PYHIN1: variants seen among roughly 807,000 people sequenced by gnomAD.
The protein encoded by PYHIN1 is pyrin and HIN domain family member 1, also known as pyrin and HIN domain-containing protein 1.
Under a neutral mutation model 43.7 loss-of-function variants are expected in PYHIN1, and 32 were observed. That is an observed-to-expected ratio of 0.73 (90% CI 0.55 to 0.98). The LOEUF (loss-of-function observed/expected upper bound fraction) is 0.98. PYHIN1 is among the 50% of genes least tolerant of loss of function. PYHIN1 has a pLI of 0.00. For synonymous variants in PYHIN1, 205 were observed against 203.1 expected, an observed-to-expected ratio of 1.01 and a Z score of -0.08; for missense variants, 588 against 589.5, an observed-to-expected ratio of 1.00 and a Z score of 0.03.
intron 7 of PYHIN1, among the ~76,000 whole-genome samples, chr1:158,972,349 C>T (rs1280102367): frequency 1.3e-5 from 2 of 151,998 alleles, no homozygotes; most frequent in Non-Finnish European, 2.9e-5. Context: ...CAGAGCTTTT[C>T]AATCAATCTC....
intron 7 of PYHIN1, among the ~76,000 whole-genome samples, chr1:158,966,795 C>T (rs1333829144): frequency 1.3e-5 from 2 of 152,090 alleles, no homozygotes; most frequent in African/African-American, 4.8e-5. Context: ...CCCTTGAAAA[C>T]TGGAACAAGA....
intron 7 of PYHIN1, among the ~76,000 whole-genome samples, chr1:158,963,944 C>T (rs1650473403): frequency 6.6e-6 from 1 of 152,056 alleles, no homozygotes; most frequent in Admixed American, 6.6e-5. Flanking sequence ...AGATAATTGA[C>T]ATTCAAGAGA....
In PYHIN1 at chr1:158,942,122, C is replaced by T. The variant is rs1350243835; in HGVS notation, c.725C>T (p.Thr242Ile). 1.9e-6 allele frequency: 3 copies of T among 1,613,974 alleles called. No individual in the cohort carries two copies. In the African/African-American group the frequency reaches 4.0e-5, roughly 22 times the overall value. The change falls in exon 5 of 9, where the codon ACA becomes ATA. Residue 242 changes from threonine (T) to isoleucine (I), a missense_variant. Thr to Ile is a moderately conservative substitution (Grantham distance 89). Coordinates refer to ENST00000368140, the MANE Select transcript of PYHIN1 (RefSeq NM_152501.5). ...ENEQRRMFHA[T>I]VATQTQFFHV... ...GAGCAAAGAAGAATGTTTCATGCTA[C>T]AGTGGCTACGCAGACACAGTTCTTT...
At chr1:158,969,908 C>A (rs148768931) in intron 7 of PYHIN1, among the ~76,000 whole-genome samples, 15 of 152,060 alleles carry the variant, frequency 9.9e-5, no homozygotes, top group African/African-American at 3.1e-4. Flanking sequence ...GCCACCTACA[C>A]CTAAATGTAT....
intron 4 of PYHIN1, among the ~76,000 whole-genome samples, chr1:158,940,859 A>G (rs1451474345): frequency 1.3e-5 from 2 of 152,200 alleles, no homozygotes; most frequent in Non-Finnish European, 2.9e-5. Context: ...ACTCCTATGT[A>G]TACACATATT....
At chr1:158,972,042 A>G (rs561158830) in intron 7 of PYHIN1, among the ~76,000 whole-genome samples, 1 of 152,284 alleles carries the variant, frequency 6.6e-6, no homozygotes, top group African/African-American at 2.4e-5. Context: ...AGGCAGATAC[A>G]TAATCAGGCT....
chr1:158,977,632 T>G (rs892849050), downstream of PYHIN1, among the ~76,000 whole-genome samples: 4 of 152,296 alleles, frequency 2.6e-5, no homozygotes, highest in Admixed American at 2.0e-4. Context: ...ATCTAAAACT[T>G]ACAATGTATT....
downstream of PYHIN1, among the ~76,000 whole-genome samples, chr1:158,977,752 A>G (rs1328985946): frequency 6.6e-6 from 1 of 152,174 alleles, no homozygotes; most frequent in African/African-American, 2.4e-5. Flanking sequence ...ATATAAAGAA[A>G]AAAGGGCACA....
At chr1:158,975,949 A>G (rs539055554) in intron 8 of PYHIN1, among the ~76,000 whole-genome samples, 1 of 152,224 alleles carries the variant, frequency 6.6e-6, no homozygotes, top group East Asian at 1.9e-4. Context: ...TTATAATCCA[A>G]TTGTTTCACA....
At chr1:158,973,405 A>G (rs1377976216) in intron 7 of PYHIN1, among the ~76,000 whole-genome samples, 1 of 151,758 alleles carries the variant, frequency 6.6e-6, no homozygotes, top group Non-Finnish European at 1.5e-5. Context: ...CTTATACTAT[A>G]TGCTAGTTTC....
rs116554597 is a variant in PYHIN1 at position 158,936,004 on chromosome 1, T to A, written c.-20-887T>A. Among the ~76,000 whole-genome samples, 1,131 of 152,274 alleles carry A rather than the reference T, an allele frequency of 7.4e-3. 12 individuals are homozygous for A. Among genetic ancestry groups the A allele is most frequent in the African/African-American group, 0.026 (1,064 of 41,542 alleles). On this transcript the variant is annotated intron_variant, in intron 1 of 8. Coordinates refer to ENST00000368140, the MANE Select transcript of PYHIN1 (RefSeq NM_152501.5). Reference sequence around the variant, plus strand: ...TTCTTCACTCAATTTCTACAGTAACTCATTTGGTCATTAAGTCCTTCTTTA... The same window carrying A: ...TTCTTCACTCAATTTCTACAGTAACACATTTGGTCATTAAGTCCTTCTTTA...
chr1:158,975,695 C>G (rs564420712), intron 8 of PYHIN1, among the ~76,000 whole-genome samples: 5 of 152,112 alleles, frequency 3.3e-5, no homozygotes, highest in Non-Finnish European at 5.9e-5. Flanking sequence ...CTGCTCTAGA[C>G]AAGTTAAGTT....
At chr1:158,979,697 T>C (rs541528967), downstream of PYHIN1, among the ~76,000 whole-genome samples, 2 of 152,316 alleles carry the variant, frequency 1.3e-5, no homozygotes, top group East Asian at 3.9e-4. Context: ...CCAAGAAGAA[T>C]AAATCTTGGG....
Position 158,936,907 on chromosome 1 carries a change from A to C in PYHIN1, c.-4A>C, listed in dbSNP as rs1200731352. On this transcript the variant is annotated 5_prime_UTR_variant, in exon 2 of 9. Transcript: ENST00000368140. ...CTCTTGCAGGCTCACTTATATCTTT[A>C]GAGATGGCAAATAACTACAAGAAAA... 3.2e-6 allele frequency: 5 copies of C among 1,570,058 alleles called. No homozygotes were observed. The highest frequency in any genetic ancestry group is 2.7e-5 in the African/African-American group (2 of 73,290).
At chr1:158,979,359 T>G (rs1385468909), downstream of PYHIN1, among the ~76,000 whole-genome samples, 1 of 152,198 alleles carries the variant, frequency 6.6e-6, no homozygotes, top group Non-Finnish European at 1.5e-5. Context: ...CCTGTAAGTT[T>G]GGCTATTATA....
chr1:158,931,994 A>G (rs1277887402), intron 1 of PYHIN1, among the ~76,000 whole-genome samples: 1 of 152,204 alleles, frequency 6.6e-6, no homozygotes, highest in East Asian at 1.9e-4. Context: ...CAACTGGGGC[A>G]TGAATGAAGG....
chr1:158,984,028 GTTTT>G, the PYHIN1 span, among the ~76,000 whole-genome samples: 3,705 of 111,220 alleles, frequency 0.033, 187 homozygotes, highest in East Asian at 0.28. Flanking sequence ...ATCTTCTCCT[GTTTT>G]TTTTTTTTTT....
chr1:158,952,112 T>TG (rs1239238388), intron 7 of PYHIN1, among the ~76,000 whole-genome samples: 1 of 148,142 alleles, frequency 6.8e-6, no homozygotes, highest in Non-Finnish European at 1.5e-5. Flanking sequence ...GTGTCGGTTT[T>TG]TTTTTTTTTT....
At chr1:158,947,117 C>G (rs1369700530) in intron 7 of PYHIN1, among the ~76,000 whole-genome samples, 1 of 152,172 alleles carries the variant, frequency 6.6e-6, no homozygotes, top group African/African-American at 2.4e-5. Context: ...GTGATTGGAT[C>G]ATGACAGGTA....
Sources: allele counts gnomAD v4.1 joint callset (sites outside exome capture counted in the v4.1 genomes callset), GRCh38; gene constraint gnomAD v4.1.1; transcripts MANE v1.5; gene names NCBI Gene and HGNC (gene_info 2026-07-23, HGNC 2026-07-21).